SQOR: variants seen among roughly 807,000 people sequenced by gnomAD.
SQOR encodes sulfide:quinone oxidoreductase, mitochondrial.
Under a neutral mutation model 48.6 loss-of-function variants are expected in SQOR, and 39 were observed. The observed-to-expected ratio is 0.80, with a 90% confidence interval of 0.62 to 1.05. The LOEUF (loss-of-function observed/expected upper bound fraction) is 1.05. Ranked by LOEUF, SQOR falls within the 50% of genes least tolerant of loss-of-function variation. The pLI, the probability that SQOR is intolerant of heterozygous loss-of-function variation, is 0.00. For synonymous variants in SQOR, 220 were observed against 206.2 expected, an observed-to-expected ratio of 1.07 and a Z score of -0.57; for missense variants, 561 against 559.9, an observed-to-expected ratio of 1.00 and a Z score of -0.02.
rs771873941 is a variant in SQOR at position 45,669,966 on chromosome 15, G to C, written c.444G>C (p.Gln148His). ...YRYLIIALGI[Q>H]LDYEKIKGLP... The stretch of plus-strand genomic sequence containing the variant: ...ATCTTATTATTGCTCTCGGAATCCA[G>C]CTGGACTATGAGAAGGTACCGTGTG... The change falls in exon 4 of 10, where the codon CAG becomes CAC. Residue 148 changes from glutamine (Q) to histidine (H), a missense_variant. Gln to His is a conservative substitution (Grantham distance 24, BLOSUM62 0). Coordinates refer to ENST00000260324, the MANE Select transcript of SQOR (RefSeq NM_021199.4). 1.2e-6 allele frequency: 2 copies of C among 1,614,086 alleles called. No individual in the cohort carries two copies. The highest frequency in any genetic ancestry group is 1.7e-6 in the Non-Finnish European group (2 of 1,179,976).
At chr15:45,689,425 T>TC in intron 9 of SQOR, 1 of 414,446 alleles carries the variant, frequency 2.4e-6, no homozygotes. Flanking sequence ...TACTTTTTTT[T>TC]TTTTTTTTTT....
intron 7 of SQOR, among the ~76,000 whole-genome samples, chr15:45,683,844 T>G (rs1158366198): frequency 1.3e-5 from 2 of 151,830 alleles, no homozygotes; most frequent in African/African-American, 2.4e-5. Flanking sequence ...ATATTATGTA[T>G]GTATATATTA....
intron 5 of SQOR, among the ~76,000 whole-genome samples, chr15:45,675,691 C>T (rs1890023986): frequency 5.3e-5 from 8 of 152,142 alleles, no homozygotes; most frequent in South Asian, 4.1e-4. Context: ...TGAGGTACTG[C>T]GCCTGGCTGG....
chr15:45,688,852 A>G (rs1028433523), intron 8 of SQOR, among the ~76,000 whole-genome samples, 187 bp from the exon 9 acceptor site: 1 of 152,056 alleles, frequency 6.6e-6, no homozygotes, highest in Non-Finnish European at 1.5e-5. Flanking sequence ...CAATATGGGC[A>G]TTTCTGTTTT....
chr15:45,633,693 C>CA (rs397854330), upstream of SQOR, among the ~76,000 whole-genome samples: 3,964 of 77,238 alleles, frequency 0.051, 287 homozygotes, highest in African/African-American at 0.17. Flanking sequence ...GACTTCGCCT[C>CA]AAAAAAAAAA....
intron 1 of SQOR, among the ~76,000 whole-genome samples, chr15:45,652,136 G>C (rs1025036790): frequency 6.6e-5 from 10 of 151,824 alleles, no homozygotes; most frequent in African/African-American, 2.4e-4. Context: ...GGCCTCCTGA[G>C]GTGCTGGGAT....
chr15:45,638,338 C>T, intron 1 of SQOR, among the ~76,000 whole-genome samples: 1 of 152,084 alleles, frequency 6.6e-6, no homozygotes, highest in East Asian at 1.9e-4. Flanking sequence ...GCACCTGTAG[C>T]CCCAGCTACT....
At chr15:45,638,140 A>G (rs1489608476) in intron 1 of SQOR, among the ~76,000 whole-genome samples, 4 of 152,248 alleles carry the variant, frequency 2.6e-5, no homozygotes, top group African/African-American at 9.6e-5. Flanking sequence ...CTTTGTGGAA[A>G]AAAACAAAAC....
intron 6 of SQOR, among the ~76,000 whole-genome samples, chr15:45,678,810 C>G (rs943443113): frequency 2.0e-5 from 3 of 152,124 alleles, no homozygotes; most frequent in Admixed American, 2.0e-4. Context: ...TTGGGAGGTC[C>G]CTCCAGCTTT....
At chr15:45,674,837 A>G (rs1189516384) in intron 5 of SQOR, among the ~76,000 whole-genome samples, 5 of 152,132 alleles carry the variant, frequency 3.3e-5, no homozygotes. Flanking sequence ...TTAGTTTACC[A>G]AAGTGCGGTT....
chr15:45,643,174 C>A (rs560721997), intron 1 of SQOR, among the ~76,000 whole-genome samples: 1 of 152,274 alleles, frequency 6.6e-6, no homozygotes, highest in African/African-American at 2.4e-5. Context: ...ATACAGTGGG[C>A]GCTCAATGAA....
chr15:45,651,073 A>G (rs1054687333), intron 1 of SQOR, among the ~76,000 whole-genome samples: 6 of 152,146 alleles, frequency 3.9e-5, no homozygotes, highest in Admixed American at 1.3e-4. Flanking sequence ...GGCGGCGCCC[A>G]TCAGGGAGGC....
chr15:45,633,141 C>A (rs1485220204), upstream of SQOR, among the ~76,000 whole-genome samples: 1 of 150,988 alleles, frequency 6.6e-6, no homozygotes, highest in Admixed American at 6.6e-5. Context: ...AAAAAAAAAC[C>A]CAAAAAACCA....
Position 45,670,000 on chromosome 15 carries a change from T to A in SQOR, c.459+19T>A. 1 of 1,612,780 alleles carries A rather than the reference T, an allele frequency of 6.2e-7. No homozygotes were observed. The highest frequency in any genetic ancestry group is 8.5e-7 in the Non-Finnish European group (1 of 1,178,768). On this transcript the variant is annotated intron_variant, in intron 4 of 9. Coordinates refer to ENST00000260324, the MANE Select transcript of SQOR (RefSeq NM_021199.4). ...TGAGAAGGTACCGTGTGAAACTGTT[T>A]CTGTGTTACGCTGGCTTATCTATGC...
chr15:45,638,094 T>C (rs1895037698), intron 1 of SQOR, among the ~76,000 whole-genome samples: 1 of 152,134 alleles, frequency 6.6e-6, no homozygotes. Flanking sequence ...GTGATTTACA[T>C]TGAGAAAGTG....
chr15:45,686,990 G>A (rs1034931927), intron 7 of SQOR, among the ~76,000 whole-genome samples: 5 of 151,874 alleles, frequency 3.3e-5, no homozygotes, highest in African/African-American at 1.2e-4. Context: ...TGTATTTTTA[G>A]TAGAGACAGG....
At chr15:45,688,174 C>A (rs531012283) in intron 7 of SQOR, among the ~76,000 whole-genome samples, 163 bp from the exon 8 acceptor site, 2 of 152,190 alleles carry the variant, frequency 1.3e-5, no homozygotes, top group Non-Finnish European at 2.9e-5. Flanking sequence ...AAAGAACCCC[C>A]TCCGGTAGTC....
rs549423884 is a variant in SQOR at position 45,684,005 on chromosome 15, A to G, written c.1048+1344A>G. Among the ~76,000 whole-genome samples the G allele has an allele frequency of 6.6e-5, 10 of 152,110 alleles. No individual in the cohort carries two copies. The East Asian group carries it at 1.7e-3, about 26-fold the overall frequency. On this transcript the variant is annotated intron_variant, in intron 7 of 9. Transcript: ENST00000260324. ...CAGCTCACTGCAACCTCTGTCTCCC[A>G]GGTTCAAGCGATTCTCCTTCCTCAG...
chr15:45,639,830 G>A (rs1895073616), intron 1 of SQOR, among the ~76,000 whole-genome samples: 1 of 152,178 alleles, frequency 6.6e-6, no homozygotes, highest in African/African-American at 2.4e-5. Context: ...AAAATCATGA[G>A]CCTTTCAAGG....
Sources: allele counts gnomAD v4.1 joint callset (sites outside exome capture counted in the v4.1 genomes callset), GRCh38; gene constraint gnomAD v4.1.1; transcripts MANE v1.5; gene names NCBI Gene and HGNC (gene_info 2026-07-23, HGNC 2026-07-21).